TTC27: variants seen among roughly 807,000 people sequenced by gnomAD.
The protein encoded by TTC27 is tetratricopeptide repeat protein 27.
Under a neutral mutation model 115.9 loss-of-function variants are expected in TTC27, and 79 were observed. The observed-to-expected ratio is 0.68, with a 90% CI of 0.57 to 0.82. The LOEUF (loss-of-function observed/expected upper bound fraction) is 0.82, where lower values mean the gene tolerates loss of function less well. TTC27 is among the 40% of genes least tolerant of loss of function. TTC27 has a pLI of 0.00. For missense variants in TTC27, 1,054 were observed against 993.1 expected (o/e 1.06, Z -0.82); for synonymous variants, 401 against 356.0 (o/e 1.13, Z -1.42).
intron 14 of TTC27, among the ~76,000 whole-genome samples, chr2:32,780,558 G>C (rs1051713419): frequency 6.6e-6 from 1 of 152,122 alleles, no homozygotes; most frequent in Admixed American, 6.6e-5. Flanking sequence ...TTCTGCCTCA[G>C]CCTCCCGATT....
chr2:32,701,481 T>C (rs73922787), intron 9 of TTC27, among the ~76,000 whole-genome samples: 30,040 of 152,176 alleles, frequency 0.2, 3,545 homozygotes, highest in South Asian at 0.42. Flanking sequence ...TTGCTATTAA[T>C]AGAGGTGTGA....
intron 5 of TTC27, among the ~76,000 whole-genome samples, chr2:32,656,483 A>C (rs1246731764): frequency 6.6e-6 from 1 of 152,208 alleles, no homozygotes; most frequent in African/African-American, 2.4e-5. Flanking sequence ...TGGGAATTCC[A>C]GTAGTTTGGA....
intron 16 of TTC27, among the ~76,000 whole-genome samples, chr2:32,789,455 T>C (rs564340095): frequency 3.3e-4 from 50 of 152,154 alleles, no homozygotes; most frequent in Non-Finnish European, 5.9e-4. Context: ...AGAGGTGATA[T>C]TTAGAATTAT....
rs767105389 is a variant in TTC27, at chr2:32,650,132, G to A, written c.539G>A (p.Ser180Asn). ...AGCTTACGTGGTGTTTTTTCCTAGA[G>A]CTTGCCATGGTGGACTTTGAGATGT... ...NVRHKLTAIQSLPWWTLRCVN... is the reference protein window; with the variant it reads ...NVRHKLTAIQNLPWWTLRCVN... Residue 180 changes from serine to asparagine, a missense_variant and splice_region_variant, in exon 5 of 20, where the codon AGC becomes AAC. Ser to Asn is a conservative substitution (Grantham distance 46, BLOSUM62 1). Coordinates refer to ENST00000317907, the MANE Select transcript of TTC27 (RefSeq NM_017735.5). The A allele has an allele frequency of 1.9e-6, 3 of 1,612,730 alleles. No homozygotes were observed. The highest frequency in any genetic ancestry group is 2.5e-6 in the Non-Finnish European group (3 of 1,179,262).
At chr2:32,678,650 A>G (rs1170850991) in intron 8 of TTC27, among the ~76,000 whole-genome samples, 1 of 151,836 alleles carries the variant, frequency 6.6e-6, no homozygotes, top group East Asian at 1.9e-4. Flanking sequence ...GATGGTCTTG[A>G]TCTCCTGACC....
intron 11 of TTC27, among the ~76,000 whole-genome samples, chr2:32,735,129 C>A (rs567350318): frequency 5.3e-5 from 8 of 152,262 alleles, no homozygotes; most frequent in African/African-American, 1.9e-4. Context: ...TATAAGACTT[C>A]TTAAAGTAGG....
chr2:32,693,785 C>T (rs1190915096), intron 9 of TTC27, among the ~76,000 whole-genome samples: 1 of 152,164 alleles, frequency 6.6e-6, no homozygotes, highest in African/African-American at 2.4e-5. Context: ...TTAGGACAGT[C>T]ACACAGGACA....
intron 12 of TTC27, among the ~76,000 whole-genome samples, chr2:32,749,607 G>A (rs1326032181): frequency 5.3e-5 from 8 of 152,204 alleles, no homozygotes; most frequent in African/African-American, 1.7e-4. Context: ...TTATTTTGTA[G>A]TGGAGGGAAT....
intron 13 of TTC27, among the ~76,000 whole-genome samples, chr2:32,771,889 G>C (rs1275785503): frequency 6.6e-6 from 1 of 152,268 alleles, no homozygotes; most frequent in Non-Finnish European, 1.5e-5. Context: ...AGAGTGGAGA[G>C]TGTGGTATGG....
At chr2:32,758,577 A>T (rs918482006) in intron 13 of TTC27, 58 bp downstream of exon 13, 2 of 1,502,140 alleles carry the variant, frequency 1.3e-6, no homozygotes, top group African/African-American at 2.7e-5. Flanking sequence ...TTTGGATTTG[A>T]TCTTACAGAA....
chr2:32,799,734 A>G (rs1378830499), intron 16 of TTC27, among the ~76,000 whole-genome samples: 1 of 152,216 alleles, frequency 6.6e-6, no homozygotes, highest in Non-Finnish European at 1.5e-5. Flanking sequence ...AATGAAATGG[A>G]ACAGAATAGA....
intron 13 of TTC27, among the ~76,000 whole-genome samples, chr2:32,773,266 A>G (rs1669888746): frequency 6.6e-6 from 1 of 152,122 alleles, no homozygotes; most frequent in Non-Finnish European, 1.5e-5. Flanking sequence ...CTCTGCAGAA[A>G]TCTCAACCAG....
At chr2:32,661,238 T>A (rs1006147891) in intron 5 of TTC27, among the ~76,000 whole-genome samples, 1 of 152,140 alleles carries the variant, frequency 6.6e-6, no homozygotes, top group African/African-American at 2.4e-5. Context: ...CTTAGGATTG[T>A]CTTGGCTATA....
Position 32,645,393 on chromosome 2 carries a change from G to C in TTC27, c.538-4738G>C, listed in dbSNP as rs181762475. On this transcript the variant is annotated intron_variant, in intron 4 of 19. Coordinates refer to ENST00000317907, the MANE Select transcript of TTC27 (RefSeq NM_017735.5). The stretch of plus-strand genomic sequence containing the variant: ...TGTGAGTATACTACTGCTCCCTGCT[G>C]TCTGGGAGGTTCTAAACTATTGTGA... Among the ~76,000 whole-genome samples the C allele has an allele frequency of 7.2e-5, 11 of 152,310 alleles. No homozygotes were observed. In the East Asian group the frequency reaches 1.9e-3, roughly 27 times the overall value.
intron 16 of TTC27, among the ~76,000 whole-genome samples, chr2:32,789,747 C>G (rs539586245): frequency 6.6e-6 from 1 of 151,542 alleles, no homozygotes; most frequent in African/African-American, 2.4e-5. Context: ...TTGCAAAACC[C>G]TTTCTCTACA....
intron 9 of TTC27, among the ~76,000 whole-genome samples, chr2:32,694,889 G>A (rs1022671062): frequency 2.6e-5 from 4 of 151,610 alleles, no homozygotes; most frequent in Non-Finnish European, 5.9e-5. Flanking sequence ...GTGTTGCTTA[G>A]GCTGATCTCA....
At chr2:32,796,542 C>T (rs919667312) in intron 16 of TTC27, among the ~76,000 whole-genome samples, 3 of 152,046 alleles carry the variant, frequency 2.0e-5, no homozygotes, top group African/African-American at 7.2e-5. Context: ...AGTGGATAAC[C>T]TAGATGAAAC....
intron 11 of TTC27, among the ~76,000 whole-genome samples, chr2:32,735,140 T>C (rs17012154): frequency 0.13 from 19,057 of 152,168 alleles, 1,233 homozygotes; most frequent in Middle Eastern, 0.2. Flanking sequence ...TTAAAGTAGG[T>C]TATATTCTTA....
intron 4 of TTC27, among the ~76,000 whole-genome samples, chr2:32,648,124 A>C (rs996983236): frequency 1.3e-5 from 2 of 151,732 alleles, no homozygotes; most frequent in African/African-American, 4.8e-5. Flanking sequence ...TTCACTCTTC[A>C]CCGTATATAC....
Sources: allele counts gnomAD v4.1 joint callset (sites outside exome capture counted in the v4.1 genomes callset), GRCh38; gene constraint gnomAD v4.1.1; transcripts MANE v1.5; gene names NCBI Gene and HGNC (gene_info 2026-07-23, HGNC 2026-07-21).